DENND2D: variants seen among roughly 807,000 people sequenced by gnomAD.
DENND2D encodes DENN domain-containing protein 2D.
Under a neutral mutation model 59.8 loss-of-function variants are expected in DENND2D, and 37 were observed. That is an observed-to-expected ratio of 0.62 (90% CI 0.48 to 0.81). The LOEUF is 0.81. DENND2D is among the 40% of genes least tolerant of loss of function. DENND2D has a pLI of 0.00. For missense variants in DENND2D, 525 were observed against 579.7 expected (o/e 0.91, Z 0.97); for synonymous variants, 219 against 211.3 (o/e 1.04, Z -0.31).
At position 111,187,483 on chromosome 1, in the gene DENND2D, C is replaced by T; in HGVS notation, c.*122G>A. The T allele has an allele frequency of 1.3e-6, 1 of 753,784 alleles. No individual in the cohort carries two copies. Among genetic ancestry groups the T allele is most frequent in the Non-Finnish European group, 2.3e-6 (1 of 441,280 alleles). The allele number at this position is 753,784 out of a possible 1,614,324, so 46.7% of individuals were successfully genotyped here. On this transcript the variant is annotated 3_prime_UTR_variant, in exon 12 of 12. Transcript: ENST00000357640. The stretch of plus-strand genomic sequence containing the variant: ...ACCAGTTTGAAGCAATACCTGGATA[C>T]CAAGACTCAGAGTGAGGATATGGAT...
rs1397796642 is a variant in DENND2D at position 111,199,509 on chromosome 1, C to A, written c.243+114G>T. 8.3e-6 allele frequency: 10 copies of A among 1,211,016 alleles called. No homozygotes were observed. The South Asian group carries it at 1.5e-4, about 18-fold the overall frequency. The allele number at this position is 1,211,016 out of a possible 1,614,324, so 75.0% of individuals were successfully genotyped here. On this transcript the variant is annotated intron_variant, in intron 2 of 11. Coordinates refer to ENST00000357640, the MANE Select transcript of DENND2D (RefSeq NM_024901.5). ...AGAGCAGTGAGCTCAGAGCTCAGGG[C>A]AGCTCCAGGCTCAAGCCCCGGTAGG...
intron 1 of DENND2D, 167 bp downstream of exon 1, chr1:111,200,226 G>C: frequency 1.1e-6 from 1 of 873,626 alleles, no homozygotes. Flanking sequence ...GAGAGGGCAT[G>C]ACCAGCTCTT....
At chr1:111,204,466 C>T, upstream of DENND2D, 1 of 1,142,694 alleles carries the variant, frequency 8.8e-7, no homozygotes, top group South Asian at 2.3e-5. Flanking sequence ...GCCTAGGGGA[C>T]AGGTTCGGGG....
chr1:111,200,078 C>T, intron 1 of DENND2D: 1 of 549,872 alleles, frequency 1.8e-6, no homozygotes, highest in Non-Finnish European at 3.2e-6. Flanking sequence ...GAGGCCAAGG[C>T]CCCAGGGTAC....
At chr1:111,203,241 G>C (rs1658983215), upstream of DENND2D, among the ~76,000 whole-genome samples, 1 of 152,240 alleles carries the variant, frequency 6.6e-6, no homozygotes, top group African/African-American at 2.4e-5. Flanking sequence ...ACAGGAGGAA[G>C]AGCAGATCAC....
Position 111,200,440 on chromosome 1 carries a change from C to T in DENND2D, c.20G>A (p.Gly7Asp). 2 of 1,611,980 alleles carry T rather than the reference C, an allele frequency of 1.2e-6. No individual in the cohort carries two copies. Among genetic ancestry groups the T allele is most frequent in the South Asian group, 1.1e-5 (1 of 90,506 alleles). Residue 7 changes from glycine to aspartate, a missense_variant, in exon 1 of 12, where the codon GGC (glycine) becomes GAC (aspartate). Physicochemically the swap from Gly to Asp is moderately conservative, Grantham distance 94 (BLOSUM62 -1). Transcript: ENST00000357640. MEGQVV[G>D]RVFRLFQRRL... ...GCGTTGGAAGAGCCTGAACACCCGG[C>T]CTACCACTTGTCCTTCCATCTCTGG...
chr1:111,193,243 G>A lies in DENND2D; in HGVS notation c.795-926C>T, dbSNP rs72979805. On this transcript the variant is annotated intron_variant, in intron 7 of 11. Coordinates refer to ENST00000357640, the MANE Select transcript of DENND2D (RefSeq NM_024901.5). ...AATTAGCAAAATTGAGTCTCTGAGA[G>A]GCTAGCTGACTGGAAGTCCCCTCCC... Among the ~76,000 whole-genome samples the A allele has an allele frequency of 6.0e-3, 909 of 152,300 alleles. 8 individuals carry two copies. Among genetic ancestry groups the A allele is most frequent in the African/African-American group, 0.016 (663 of 41,544 alleles).
intron 7 of DENND2D, among the ~76,000 whole-genome samples, chr1:111,192,787 C>T (rs1039516681): frequency 3.9e-5 from 6 of 152,186 alleles, no homozygotes; most frequent in African/African-American, 1.4e-4. Context: ...GCACTGGAGG[C>T]TCAGCCGAGA....
rs1197971997 is a variant in DENND2D at position 111,188,230 on chromosome 1, T to C, written c.1240A>G (p.Thr414Ala). 7 of 1,613,866 alleles carry C rather than the reference T, an allele frequency of 4.3e-6. No homozygotes were observed. Among genetic ancestry groups the C allele is most frequent in the Non-Finnish European group, 4.2e-6 (5 of 1,179,988 alleles). Residue 414 changes from threonine to alanine, a missense_variant, in exon 11 of 12, where the codon ACC (threonine) becomes GCC (alanine). Thr to Ala is a moderately conservative substitution (Grantham distance 58). Transcript: ENST00000357640. ...ACAAATCGGCGGTTGGTCTTGGAGG[T>C]CAGAGCCTTACAGAAGGATCTTTCT... ...FQERSFCKAL[T>A]SKTNRRFVKK...
chr1:111,192,120 C>T lies in DENND2D; in HGVS notation c.972+20G>A, dbSNP rs1657831742. ...ACTCTACCTGGCTCCAAATCATGCA[C>T]TCTTCTTGCCACATCATACCTCTTC... On this transcript the variant is annotated intron_variant, in intron 8 of 11. Transcript: ENST00000357640. 1 of 1,548,756 alleles carries T rather than the reference C, an allele frequency of 6.5e-7. No homozygotes were observed. The highest frequency in any genetic ancestry group is 1.8e-5 in the Admixed American group (1 of 55,852).
chr1:111,200,853 T>A, upstream of DENND2D: 1 of 447,006 alleles, frequency 2.2e-6, no homozygotes, highest in Non-Finnish European at 3.5e-6. Flanking sequence ...TGCAGAGAGT[T>A]AATTTACAAC....
At chr1:111,189,387 T>C in intron 8 of DENND2D, 134 bp from the exon 9 acceptor site, 1 of 834,622 alleles carries the variant, frequency 1.2e-6, no homozygotes. Context: ...TCAGTTCTCA[T>C]TTCCTATCTA....
chr1:111,197,494 G>T, intron 4 of DENND2D: 1 of 1,407,994 alleles, frequency 7.1e-7, no homozygotes. Context: ...AGCAAAGAGG[G>T]GTAGCAAGTG....
In DENND2D at chr1:111,195,880, C is replaced by T. The variant is rs2101481677; in HGVS notation, c.645+36G>A. 2.5e-6 allele frequency: 4 copies of T among 1,613,402 alleles called. No individual in the cohort carries two copies. The East Asian group carries it at 8.9e-5, about 36-fold the overall frequency. On this transcript the variant is annotated intron_variant, in intron 6 of 11. Transcript: ENST00000357640. The stretch of plus-strand genomic sequence containing the variant: ...AGGTGCCACAGATGCCTACCCTCTC[C>T]AGCTAGGGAAGGTCTCACCCATTTT...
At chr1:111,202,222 T>C (rs1427380673), upstream of DENND2D, among the ~76,000 whole-genome samples, 5 of 152,184 alleles carry the variant, frequency 3.3e-5, no homozygotes, top group African/African-American at 1.2e-4. Context: ...TTTCAGATCA[T>C]TTTCTTCTGC....
At chr1:111,187,706 G>A (rs771215754) in intron 11 of DENND2D, 25 bp from the exon 12 acceptor site, 2 of 1,576,888 alleles carry the variant, frequency 1.3e-6, no homozygotes, top group African/African-American at 2.7e-5. Flanking sequence ...ACAGGTGTTA[G>A]AGGCATCTGA....
At chr1:111,195,842 G>A in intron 6 of DENND2D, 74 bp downstream of exon 6, 1 of 1,600,222 alleles carries the variant, frequency 6.2e-7, no homozygotes, top group South Asian at 1.1e-5. Context: ...GTTAATGGAA[G>A]AACAGTGGTG....
chr1:111,195,294 T>C (rs630505), intron 6 of DENND2D: 46,020 of 154,718 alleles, frequency 0.3, 7,362 homozygotes, highest in African/African-American at 0.42. Flanking sequence ...GAAAATAGTA[T>C]AGCTTGGCAC....
At chr1:111,192,456 T>C in intron 7 of DENND2D, 139 bp from the exon 8 acceptor site, 4 of 886,248 alleles carry the variant, frequency 4.5e-6, no homozygotes, top group Non-Finnish European at 6.2e-6. Flanking sequence ...GGGGCCATGC[T>C]GGTCACAGAG....
Sources: gnomAD v4.1 joint callset for allele counts (sites outside exome capture counted in the v4.1 genomes callset) on GRCh38, gnomAD v4.1.1 for gene constraint, MANE v1.5 for transcripts, NCBI Gene and HGNC (gene_info 2026-07-23, HGNC 2026-07-21) for gene names.